Variants in DRC9 observed in about 807,000 individuals in gnomAD.
DRC9 encodes the protein dynein regulatory complex protein 9.
the DRC9 span, among the ~76,000 whole-genome samples, chr3:197,926,710 T>G: frequency 6.6e-6 from 1 of 152,170 alleles, no homozygotes; most frequent in South Asian, 2.1e-4. Flanking sequence ...AGGAATCACA[T>G]GGGATGGGCC....
chr3:197,929,985 C>T, the DRC9 span, among the ~76,000 whole-genome samples: 29 of 151,776 alleles, frequency 1.9e-4, no homozygotes, highest in African/African-American at 6.1e-4. The surrounding 1 kb of genome is among the most constrained non-coding windows in gnomAD (Gnocchi z 4.6). Flanking sequence ...AAAAGTAACT[C>T]GGAGAGAAGA....
the DRC9 span, among the ~76,000 whole-genome samples, chr3:197,907,462 A>G: frequency 2.0e-5 from 3 of 152,360 alleles, no homozygotes; most frequent in Admixed American, 6.5e-5. Flanking sequence ...AAGTGCATCT[A>G]TATCAATGAA....
At chr3:197,950,804 G>A in the DRC9 span, 1 of 737,792 alleles carries the variant, frequency 1.4e-6, no homozygotes. Flanking sequence ...GGATGTTCTG[G>A]CATTGTTGTC....
At chr3:197,920,026 C>A in the DRC9 span, among the ~76,000 whole-genome samples, 134 of 143,598 alleles carry the variant, frequency 9.3e-4, no homozygotes, top group African/African-American at 3.6e-3. Context: ...ATGGTGAAAC[C>A]CCATCTCTAC....
At chr3:197,938,795 A>T in the DRC9 span, 1 of 1,568,208 alleles carries the variant, frequency 6.4e-7, no homozygotes, top group Admixed American at 1.7e-5. Flanking sequence ...TAAAACAATA[A>T]ACAATTAGAA....
chr3:197,948,852 C>T, the DRC9 span, among the ~76,000 whole-genome samples: 1 of 152,162 alleles, frequency 6.6e-6, no homozygotes, highest in Non-Finnish European at 1.5e-5. Flanking sequence ...TACTCAATAT[C>T]CTCTGTTTAC....
chr3:197,950,854 G>A, the DRC9 span: 1 of 1,298,858 alleles, frequency 7.7e-7, no homozygotes, highest in Admixed American at 1.8e-5. Flanking sequence ...AAAGGAATTT[G>A]CTTTAGGGGC....
chr3:197,952,851 G>C, the DRC9 span, among the ~76,000 whole-genome samples: 1 of 140,174 alleles, frequency 7.1e-6, no homozygotes, highest in Non-Finnish European at 1.5e-5. Context: ...TTTTTTTTTT[G>C]AGACAAAGTG....
the DRC9 span, among the ~76,000 whole-genome samples, chr3:197,907,018 G>T: frequency 6.6e-6 from 1 of 152,120 alleles, no homozygotes; most frequent in Non-Finnish European, 1.5e-5. Context: ...GCCGCCCTTC[G>T]TGGTAAATGT....
the DRC9 span, among the ~76,000 whole-genome samples, chr3:197,896,416 G>A: frequency 6.6e-6 from 1 of 151,718 alleles, no homozygotes; most frequent in East Asian, 1.9e-4. Context: ...CAAATAACTA[G>A]AGTTTGGCAA....
chr3:197,930,374 T>C, the DRC9 span, among the ~76,000 whole-genome samples: 13 of 152,114 alleles, frequency 8.5e-5, no homozygotes, highest in African/African-American at 3.1e-4. Context: ...GAAGAGCTCT[T>C]AGAAATCAAT....
At chr3:197,958,661 A>G in the DRC9 span, 1 of 152,256 alleles carries the variant, frequency 6.6e-6, no homozygotes, top group Non-Finnish European at 1.5e-5. Flanking sequence ...GCGGGGGAAA[A>G]CAAACGGTTG....
At chr3:197,944,199 G>A in the DRC9 span, 4,308 of 694,298 alleles carry the variant, frequency 6.2e-3, 138 homozygotes, top group African/African-American at 0.068. Context: ...AGGATTTGGC[G>A]TGTGATTCTG....
the DRC9 span, among the ~76,000 whole-genome samples, chr3:197,936,028 A>G: frequency 1.3e-5 from 2 of 152,012 alleles, no homozygotes; most frequent in South Asian, 4.2e-4. Context: ...CGGGCGGATC[A>G]CCTGAGGTCA....
the DRC9 span, among the ~76,000 whole-genome samples, chr3:197,946,422 G>C: frequency 7.6e-6 from 1 of 132,206 alleles, no homozygotes; most frequent in African/African-American, 3.2e-5. Flanking sequence ...GCGACAGAGC[G>C]AGACTCCGTC....
the DRC9 span, among the ~76,000 whole-genome samples, chr3:197,934,101 TA>T: frequency 4.6e-5 from 7 of 151,860 alleles, no homozygotes; most frequent in Non-Finnish European, 8.8e-5. Context: ...TCTATTTATT[TA>T]TTTTTTTACA....
the DRC9 span, among the ~76,000 whole-genome samples, chr3:197,920,246 T>C: frequency 6.6e-6 from 1 of 151,880 alleles, no homozygotes; most frequent in Non-Finnish European, 1.5e-5. Flanking sequence ...ACATTTCTAT[T>C]TGCTGTCTAT....
the DRC9 span, chr3:197,951,096 G>A: frequency 1.2e-6 from 2 of 1,610,004 alleles, no homozygotes; most frequent in Non-Finnish European, 1.7e-6. Flanking sequence ...GGGTGGGGGT[G>A]ATTACAAGTC....
At chr3:197,903,562 G>A in the DRC9 span, among the ~76,000 whole-genome samples, 22 of 152,216 alleles carry the variant, frequency 1.4e-4, no homozygotes, top group Non-Finnish European at 2.2e-4. Context: ...CTTGAACCCA[G>A]GAGGCGGAGG....
Sources: allele counts gnomAD v4.1 joint callset (sites outside exome capture counted in the v4.1 genomes callset), GRCh38; gene constraint gnomAD v4.1.1; non-coding constraint Gnocchi (gnomAD v3.1); transcripts MANE v1.5; gene names NCBI Gene and HGNC (gene_info 2026-07-23, HGNC 2026-07-21).